Variants in UNC13C observed in about 807,000 individuals in gnomAD.
UNC13C encodes unc-13 homolog C.
A neutral mutation model predicts 245.4 loss-of-function variants in UNC13C; 174 were observed. The ratio of observed to expected loss-of-function variants is 0.71; its 90% confidence interval spans 0.63 to 0.80. The LOEUF (loss-of-function observed/expected upper bound fraction) is 0.80. Ranked by LOEUF, UNC13C falls within the 30% of genes least tolerant of loss-of-function variation. UNC13C has a pLI of 0.00. For synonymous variants in UNC13C, 992 were observed against 895.1 expected (o/e 1.11, Z -1.93); for missense variants, 2,829 against 2,602.9 (o/e 1.09, Z -1.89).
At chr15:54,110,456 G>A (rs1429277149) in intron 2 of UNC13C, among the ~76,000 whole-genome samples, 5 of 152,074 alleles carry the variant, frequency 3.3e-5, no homozygotes, top group African/African-American at 1.2e-4. Context: ...ATCAAATTCT[G>A]TCTTCAGTGT....
At chr15:54,604,684 A>T (rs1899662325) in intron 30 of UNC13C, among the ~76,000 whole-genome samples, 2 of 152,166 alleles carry the variant, frequency 1.3e-5, no homozygotes, top group South Asian at 4.1e-4. Flanking sequence ...CTGGTGGGAT[A>T]ATATTTCCAC....
intron 17 of UNC13C, among the ~76,000 whole-genome samples, chr15:54,354,343 T>C (rs1596271511): frequency 6.6e-6 from 1 of 152,216 alleles, no homozygotes; most frequent in African/African-American, 2.4e-5. Flanking sequence ...AGACAGGAGT[T>C]TGTGCTATAA....
intron 19 of UNC13C, among the ~76,000 whole-genome samples, chr15:54,462,512 C>T (rs1289253860): frequency 6.6e-6 from 1 of 152,224 alleles, no homozygotes; most frequent in Non-Finnish European, 1.5e-5. Context: ...AGCGCCAGTT[C>T]TGGGTGGGCG....
chr15:54,100,727 A>C (rs2141154869), intron 2 of UNC13C, among the ~76,000 whole-genome samples: 1 of 152,174 alleles, frequency 6.6e-6, no homozygotes, highest in East Asian at 1.9e-4. Flanking sequence ...AAAATTCATT[A>C]GCAATCCAAT....
At chr15:54,484,827 C>A (rs1247297083) in intron 19 of UNC13C, among the ~76,000 whole-genome samples, 1 of 152,048 alleles carries the variant, frequency 6.6e-6, no homozygotes, top group Non-Finnish European at 1.5e-5. Flanking sequence ...TTACAGGTTA[C>A]ATTTAAATAA....
At chr15:54,342,262 T>C (rs958189380) in intron 17 of UNC13C, among the ~76,000 whole-genome samples, 3 of 152,202 alleles carry the variant, frequency 2.0e-5, no homozygotes, top group Non-Finnish European at 4.4e-5. Context: ...TATTTCCCTC[T>C]TGATGACACA....
At position 54,322,002 on chromosome 15, in the gene UNC13C, G is replaced by C. The variant is rs1410487349; in HGVS notation, c.4332G>C (p.Leu1444Phe). Residue 1444 changes from leucine (L) to phenylalanine (F), a missense_variant, in exon 14 of 33, where the codon TTG becomes TTC. Physicochemically the swap from Leu to Phe is conservative, Grantham distance 22. Coordinates refer to ENST00000260323, the MANE Select transcript of UNC13C (RefSeq NM_001080534.3). ...CPGVPAVMST[L>F]LANINAFYAH... ...GTGTCCCTGCCGTCATGAGCACCTT[G>C]CTGGCTAATATAAATGCTTTTTATG... 2.5e-6 allele frequency: 4 copies of C among 1,588,512 alleles called. No homozygotes were observed. In the East Asian group the frequency reaches 6.8e-5, roughly 27 times the overall value.
chr15:54,607,759 G>T (rs1899848466), intron 30 of UNC13C, among the ~76,000 whole-genome samples: 1 of 152,024 alleles, frequency 6.6e-6, no homozygotes, highest in Admixed American at 6.6e-5. Flanking sequence ...GAAGGGGGAG[G>T]TGCTACACAC....
At chr15:53,944,683 G>C in the UNC13C span, among the ~76,000 whole-genome samples, 3 of 152,138 alleles carry the variant, frequency 2.0e-5, no homozygotes, top group Non-Finnish European at 4.4e-5. Context: ...GGGCATTTTG[G>C]TTTATTCCAT....
intron 2 of UNC13C, among the ~76,000 whole-genome samples, chr15:54,051,710 C>G (rs1217531037): frequency 6.7e-6 from 1 of 150,118 alleles, no homozygotes; most frequent in African/African-American, 2.4e-5. Context: ...TTTTCCAGGG[C>G]CTGAAGAAAG....
In UNC13C at chr15:54,294,026, G is replaced by A. The variant is rs1284396682; in HGVS notation, c.3950G>A (p.Arg1317Lys). The change falls in exon 11 of 33, where the codon AGG (arginine) becomes AAG (lysine). Residue 1317 changes from arginine to lysine, a missense_variant. Coordinates refer to ENST00000260323, the MANE Select transcript of UNC13C (RefSeq NM_001080534.3). ...CTGGGACAAACAATTGTAGAAGTGA[G>A]GACCTTGAGTGGAGAAATGGATGTC... ...DFLGQTIVEVRTLSGEMDVWY... is the reference protein window; with the variant it reads ...DFLGQTIVEVKTLSGEMDVWY... 3.8e-6 allele frequency: 6 copies of A among 1,580,112 alleles called. No individual in the cohort carries two copies. Among genetic ancestry groups the A allele is most frequent in the Non-Finnish European group, 5.1e-6 (6 of 1,166,544 alleles).
At chr15:53,913,774 C>G in the UNC13C span, 1 of 152,188 alleles carries the variant, frequency 6.6e-6, no homozygotes, top group Non-Finnish European at 1.5e-5. Context: ...AAACCCTAAG[C>G]CTTCATCATT....
chr15:54,565,368 G>A (rs1346877334), intron 29 of UNC13C, among the ~76,000 whole-genome samples: 1 of 151,908 alleles, frequency 6.6e-6, no homozygotes, highest in Non-Finnish European at 1.5e-5. Flanking sequence ...GAAAACAGGT[G>A]GCACAGCAGA....
chr15:54,523,222 T>G (rs1895302813), intron 24 of UNC13C, among the ~76,000 whole-genome samples: 1 of 152,216 alleles, frequency 6.6e-6, no homozygotes, highest in African/African-American at 2.4e-5. Flanking sequence ...CTAAAGAGAT[T>G]GTTTTATTAT....
intron 30 of UNC13C, among the ~76,000 whole-genome samples, chr15:54,589,162 A>G (rs1469143556): frequency 1.3e-5 from 2 of 151,504 alleles, no homozygotes; most frequent in African/African-American, 4.8e-5. Context: ...TTTTTATTTG[A>G]TTATGGCCAT....
At chr15:54,151,110 A>T (rs911978314) in intron 4 of UNC13C, among the ~76,000 whole-genome samples, 4 of 152,094 alleles carry the variant, frequency 2.6e-5, no homozygotes, top group African/African-American at 9.7e-5. Flanking sequence ...CCAGGAAAAA[A>T]TATTTGACTA....
At chr15:53,976,736 T>A, upstream of UNC13C, 1 of 152,162 alleles carries the variant, frequency 6.6e-6, no homozygotes, top group East Asian at 1.9e-4. Context: ...TGACATTAAA[T>A]CCAAATTTAC....
chr15:54,344,482 A>G (rs1165634874), intron 17 of UNC13C, among the ~76,000 whole-genome samples: 1 of 152,178 alleles, frequency 6.6e-6, no homozygotes, highest in African/African-American at 2.4e-5. Flanking sequence ...TTTTATGCGA[A>G]ATTTTGTCAA....
At chr15:54,152,936 T>A (rs914680957) in intron 4 of UNC13C, among the ~76,000 whole-genome samples, 1 of 152,176 alleles carries the variant, frequency 6.6e-6, no homozygotes, top group African/African-American at 2.4e-5. Flanking sequence ...TAGGTATCTT[T>A]TAATGAATGA....
Sources: allele counts gnomAD v4.1 joint callset (sites outside exome capture counted in the v4.1 genomes callset), GRCh38; gene constraint gnomAD v4.1.1; transcripts MANE v1.5; gene names NCBI Gene and HGNC (gene_info 2026-07-23, HGNC 2026-07-21).